Variants in LPAR1 observed in about 807,000 individuals in gnomAD.
The protein encoded by LPAR1 is LPA receptor 1.
In LPAR1, 5 loss-of-function variants were observed where a neutral mutation model predicts 23.8. That is an observed-to-expected ratio of 0.21 (90% CI 0.11 to 0.44). The LOEUF is 0.44. Ranked by LOEUF, LPAR1 falls within the 20% of genes least tolerant of loss-of-function variation. The probability of loss-of-function intolerance (pLI) is 0.99; values close to 1 mark genes in which losing one functional copy is unlikely to be tolerated. For synonymous variants in LPAR1, 160 were observed against 164.7 expected, an observed-to-expected ratio of 0.97 and a Z score of 0.22; for missense variants, 311 against 482.8, an observed-to-expected ratio of 0.64 and a Z score of 3.33.
intron 2 of LPAR1, among the ~76,000 whole-genome samples, chr9:111,024,924 C>CACAT (rs2097659332): frequency 6.6e-6 from 1 of 152,120 alleles, no homozygotes; most frequent in South Asian, 2.1e-4. Context: ...GTATATGTGC[C>CACAT]ACATTTTCTT....
At chr9:110,967,530 G>C (rs932542492) in intron 4 of LPAR1, among the ~76,000 whole-genome samples, 1 of 152,118 alleles carries the variant, frequency 6.6e-6, no homozygotes, top group African/African-American at 2.4e-5. Flanking sequence ...TGTTGTTTTG[G>C]CCTTAGAAAA....
chr9:111,002,423 T>G (rs1156299390), intron 2 of LPAR1, among the ~76,000 whole-genome samples: 5 of 152,224 alleles, frequency 3.3e-5, no homozygotes, highest in Non-Finnish European at 5.9e-5. Flanking sequence ...AATATGTGTA[T>G]GTATTCTAGC....
intron 5 of LPAR1, among the ~76,000 whole-genome samples, chr9:110,925,480 T>C (rs1415907922): frequency 6.6e-6 from 1 of 152,164 alleles, no homozygotes; most frequent in Non-Finnish European, 1.5e-5. Context: ...GGATTCTACA[T>C]CATTGATTGA....
chr9:111,033,027 T>G (rs2097829815), intron 2 of LPAR1, among the ~76,000 whole-genome samples: 1 of 152,250 alleles, frequency 6.6e-6, no homozygotes, highest in East Asian at 1.9e-4. Flanking sequence ...AGCACTGGAC[T>G]AAAGTTAAGG....
At position 110,874,342 on chromosome 9, in the gene LPAR1, A is replaced by G. The variant is rs2078671975; in HGVS notation, c.*1079T>C. On this transcript the variant is annotated 3_prime_UTR_variant, in exon 6 of 6. Coordinates refer to ENST00000683809, the MANE Select transcript of LPAR1 (RefSeq NM_001351411.2). ...TTTTAATGCCATAAGAAAATGTGGC[A>G]ATTTTGCAATGAAAAAGATCTACTT... 6.6e-6 allele frequency: 1 copy of G among 152,650 alleles called. No individual in the cohort carries two copies. The allele number at this position is 152,650 out of a possible 1,614,324, so 9.5% of individuals were successfully genotyped here. A position where few individuals can be genotyped will look rare whatever the true frequency, so the allele number is the denominator to read the frequency against.
At chr9:110,923,355 C>A (rs2093772645) in intron 5 of LPAR1, among the ~76,000 whole-genome samples, 1 of 152,126 alleles carries the variant, frequency 6.6e-6, no homozygotes, top group African/African-American at 2.4e-5. Context: ...AAAAGTGATA[C>A]ACCCATTCCT....
intron 5 of LPAR1, among the ~76,000 whole-genome samples, chr9:110,883,508 G>C (rs886967124): frequency 5.3e-5 from 8 of 152,026 alleles, no homozygotes; most frequent in African/African-American, 1.9e-4. Context: ...GGAAGGAAAA[G>C]AAAAGACAGA....
chr9:111,015,549 G>A (rs1448328272), intron 2 of LPAR1, among the ~76,000 whole-genome samples: 2 of 152,140 alleles, frequency 1.3e-5, no homozygotes, highest in African/African-American at 2.4e-5. Flanking sequence ...GGCAAGGGAT[G>A]AAGAACAGTG....
intron 2 of LPAR1, among the ~76,000 whole-genome samples, chr9:110,979,585 TA>T (rs2096627026): frequency 6.6e-6 from 1 of 152,078 alleles, no homozygotes; most frequent in Non-Finnish European, 1.5e-5. Flanking sequence ...ACTGTAAGGA[TA>T]TTAAAAAGGT....
intron 4 of LPAR1, among the ~76,000 whole-genome samples, chr9:110,968,461 C>T (rs1046323021): frequency 2.6e-5 from 4 of 151,950 alleles, no homozygotes; most frequent in African/African-American, 9.7e-5. Context: ...ACACACATAC[C>T]TTGGGACACT....
chr9:111,038,663 C>A (rs1333410977), upstream of LPAR1: 14 of 454,260 alleles, frequency 3.1e-5, no homozygotes, highest in Non-Finnish European at 5.3e-5. This position sits in a 1 kb window ranked among gnomAD's most constrained non-coding sequence, Gnocchi z 4.4. Context: ...TGGTGTGGCG[C>A]CCCCAGCGCC....
intron 5 of LPAR1, among the ~76,000 whole-genome samples, chr9:110,886,483 C>A (rs1471529290): frequency 6.8e-6 from 1 of 147,468 alleles, no homozygotes; most frequent in Non-Finnish European, 1.5e-5. Flanking sequence ...TAAGCCCTTA[C>A]AATTTTCAAG....
chr9:110,957,323 G>A (rs956507801), intron 4 of LPAR1, among the ~76,000 whole-genome samples: 15 of 141,916 alleles, frequency 1.1e-4, no homozygotes, highest in African/African-American at 3.7e-4. Flanking sequence ...CTAGGTGATA[G>A]AGTGATACTC....
Position 110,875,367 on chromosome 9 carries a change from G to A in LPAR1, c.*54C>T. The A allele has an allele frequency of 6.7e-7, 1 of 1,490,616 alleles. No individual in the cohort carries two copies. Among genetic ancestry groups the A allele is most frequent in the Non-Finnish European group, 9.0e-7 (1 of 1,105,108 alleles). 92.3% of individuals were successfully genotyped at this position (1,490,616 alleles called of 1,614,324 possible). ...CCTTGCCCTGGCAATTGGGTAGGGG[G>A]AGGCTGTTTATCCTCCAAGAGAGGA... is the stretch of plus-strand genomic sequence containing the variant. On this transcript the variant is annotated 3_prime_UTR_variant, in exon 6 of 6. Transcript: ENST00000683809.
rs73655698 is a variant in LPAR1 at position 110,937,197 on chromosome 9, C to T, written c.793+4224G>A. On this transcript the variant is annotated intron_variant, in intron 5 of 5. Coordinates refer to ENST00000683809, the MANE Select transcript of LPAR1 (RefSeq NM_001351411.2). ...TTGCTCCCTTAAAAGCTTTCTCTGC[C>T]CAGGGAAACAAAGCCCAGTCAGCAC... is the stretch of plus-strand genomic sequence containing the variant. Among the ~76,000 whole-genome samples the T allele has an allele frequency of 6.7e-3, 1,021 of 152,244 alleles. 14 individuals carry two copies. Among genetic ancestry groups the T allele is most frequent in the African/African-American group, 0.022 (905 of 41,540 alleles).
intron 5 of LPAR1, among the ~76,000 whole-genome samples, chr9:110,884,284 T>C (rs1455514835): frequency 6.6e-6 from 1 of 152,186 alleles, no homozygotes; most frequent in Admixed American, 6.5e-5. Flanking sequence ...CGCAATCTAA[T>C]TCCTACTCAC....
intron 5 of LPAR1, among the ~76,000 whole-genome samples, chr9:110,932,486 T>A (rs185331690): frequency 6.6e-6 from 1 of 152,254 alleles, no homozygotes; most frequent in African/African-American, 2.4e-5. Flanking sequence ...ATTTCTTCCA[T>A]ACATGCCAGA....
chr9:111,013,702 C>G (rs1018954445), intron 2 of LPAR1, among the ~76,000 whole-genome samples: 1 of 152,074 alleles, frequency 6.6e-6, no homozygotes, highest in Non-Finnish European at 1.5e-5. Flanking sequence ...AAAGGGTGAT[C>G]AGGGAGCCGT....
chr9:110,985,259 T>C (rs573227533), intron 2 of LPAR1, among the ~76,000 whole-genome samples: 266 of 152,258 alleles, frequency 1.7e-3, no homozygotes, highest in African/African-American at 6.3e-3. Context: ...GCTACTTTCC[T>C]CTCTTCCTCA....
Sources: allele counts gnomAD v4.1 joint callset (sites outside exome capture counted in the v4.1 genomes callset), GRCh38; gene constraint gnomAD v4.1.1; non-coding constraint Gnocchi (gnomAD v3.1); transcripts MANE v1.5; gene names NCBI Gene and HGNC (gene_info 2026-07-23, HGNC 2026-07-21).